The following TENM3 variants were observed in gnomAD, a reference collection of about 807,000 sequenced individuals.
TENM3 encodes the protein teneurin transmembrane protein 3.
A neutral mutation model predicts 255.1 loss-of-function variants in TENM3; 63 were observed. The ratio of observed to expected loss-of-function variants is 0.25; its 90% CI spans 0.20 to 0.30. TENM3 has a LOEUF of 0.30. Among genes scored for constraint, TENM3 ranks in the 10% least tolerant of loss-of-function variants. The pLI is 1.00. For synonymous variants in TENM3, 1,306 were observed against 1,322.3 expected (o/e 0.99, Z 0.27); for missense variants, 2,929 against 3,461.1 (o/e 0.85, Z 3.86).
intron 1 of TENM3, among the ~76,000 whole-genome samples, chr4:182,172,243 G>A (rs1193594358): frequency 6.6e-6 from 1 of 152,260 alleles, no homozygotes; most frequent in East Asian, 1.9e-4. Flanking sequence ...TATTTAAGAA[G>A]GGTATACTGC....
chr4:182,000,434 G>T, the TENM3 span, among the ~76,000 whole-genome samples: 4 of 152,170 alleles, frequency 2.6e-5, no homozygotes, highest in Admixed American at 2.6e-4. Context: ...CCATTCTCAA[G>T]CAGGAAAAGC....
chr4:181,637,448 G>A, the TENM3 span, among the ~76,000 whole-genome samples: 3 of 152,150 alleles, frequency 2.0e-5, no homozygotes, highest in Admixed American at 6.5e-5. Context: ...AATGACACAC[G>A]TCACTTCTAT....
chr4:181,924,366 G>A, the TENM3 span, among the ~76,000 whole-genome samples: 1 of 152,124 alleles, frequency 6.6e-6, no homozygotes, highest in Non-Finnish European at 1.5e-5. Flanking sequence ...TGTGTTTTGT[G>A]CCAGTTATCC....
At chr4:181,894,503 A>G in the TENM3 span, among the ~76,000 whole-genome samples, 1 of 152,212 alleles carries the variant, frequency 6.6e-6, no homozygotes, top group African/African-American at 2.4e-5. Context: ...GTAAGAACTT[A>G]TTTGAAGAGT....
intron 6 of TENM3, among the ~76,000 whole-genome samples, chr4:182,655,778 T>C (rs1005150235): frequency 6.6e-6 from 1 of 152,180 alleles, no homozygotes; most frequent in African/African-American, 2.4e-5. Flanking sequence ...TTTTAAGCTA[T>C]TGACCATGAC....
At chr4:181,772,369 C>T in the TENM3 span, among the ~76,000 whole-genome samples, 1 of 151,262 alleles carries the variant, frequency 6.6e-6, no homozygotes, top group South Asian at 2.1e-4. Flanking sequence ...CAGAGTGAGA[C>T]TCCTTCTCAA....
chr4:182,695,626 T>C (rs1229550294), intron 12 of TENM3, among the ~76,000 whole-genome samples: 1 of 152,164 alleles, frequency 6.6e-6, no homozygotes, highest in Non-Finnish European at 1.5e-5. Context: ...GACACGAAAG[T>C]ACAGGGTCAG....
the TENM3 span, among the ~76,000 whole-genome samples, chr4:181,542,491 T>A: frequency 0.48 from 73,340 of 151,980 alleles, 19,463 homozygotes; most frequent in African/African-American, 0.67. Flanking sequence ...AGAAGTAAGG[T>A]TACCTGTTAA....
the TENM3 span, among the ~76,000 whole-genome samples, chr4:181,584,087 A>T: frequency 2.0e-5 from 3 of 152,200 alleles, no homozygotes; most frequent in Non-Finnish European, 4.4e-5. Context: ...AGCATATTAC[A>T]TGAGTAGCAC....
At chr4:181,474,464 C>T in the TENM3 span, among the ~76,000 whole-genome samples, 13 of 151,944 alleles carry the variant, frequency 8.6e-5, no homozygotes, top group African/African-American at 1.7e-4. Context: ...TGGCTGGGCA[C>T]GGTGACTCAC....
the TENM3 span, among the ~76,000 whole-genome samples, chr4:181,845,861 C>A: frequency 6.6e-6 from 1 of 152,204 alleles, no homozygotes; most frequent in African/African-American, 2.4e-5. Flanking sequence ...TGGAAGAGGG[C>A]AAATGTGCTT....
chr4:181,604,119 G>A, the TENM3 span, among the ~76,000 whole-genome samples: 1 of 152,064 alleles, frequency 6.6e-6, no homozygotes, highest in Non-Finnish European at 1.5e-5. Flanking sequence ...AAAAAAATTA[G>A]CCGGGCGTGG....
intron 3 of TENM3, among the ~76,000 whole-genome samples, chr4:182,561,042 G>A (rs892411944): frequency 3.9e-5 from 6 of 152,016 alleles, no homozygotes; most frequent in African/African-American, 9.7e-5. Context: ...CATTTCCAAC[G>A]GGTCTTAAAT....
At chr4:181,486,739 T>C in the TENM3 span, among the ~76,000 whole-genome samples, 1 of 152,160 alleles carries the variant, frequency 6.6e-6, no homozygotes, top group South Asian at 2.1e-4. Context: ...AACATAAAAA[T>C]TCGTTCTAGG....
rs551634846 is a variant in TENM3 at position 182,645,122 on chromosome 4, T to C, written c.989-8649T>C. ...CTGGGTTTCTTTTTTCTGTTCATGA[T>C]ATCAGTGACTTCACTGCCCAGGCTA... On this transcript the variant is annotated intron_variant, in intron 5 of 27. Coordinates refer to ENST00000511685, the MANE Select transcript of TENM3 (RefSeq NM_001080477.4). 2.0e-5 allele frequency among the ~76,000 whole-genome samples: 3 copies of C among 151,940 alleles called. No individual in the cohort carries two copies. In the East Asian group the frequency reaches 6.0e-4, roughly 30 times the overall value.
At chr4:181,470,851 GA>G in the TENM3 span, among the ~76,000 whole-genome samples, 2 of 151,946 alleles carry the variant, frequency 1.3e-5, no homozygotes, top group African/African-American at 2.4e-5. Flanking sequence ...ATTGTAAGGT[GA>G]AAAAAAGTTT....
At chr4:181,770,219 G>A in the TENM3 span, among the ~76,000 whole-genome samples, 1 of 151,882 alleles carries the variant, frequency 6.6e-6, no homozygotes, top group East Asian at 1.9e-4. Flanking sequence ...AGGTTGAGGG[G>A]TTATATATAT....
At chr4:181,713,190 C>T in the TENM3 span, among the ~76,000 whole-genome samples, 18 of 152,146 alleles carry the variant, frequency 1.2e-4, no homozygotes, top group Admixed American at 1.1e-3. Flanking sequence ...ACTAAGTGTG[C>T]CTTTGTCACT....
chr4:181,579,700 T>C, the TENM3 span, among the ~76,000 whole-genome samples: 3 of 152,160 alleles, frequency 2.0e-5, no homozygotes, highest in African/African-American at 7.2e-5. Flanking sequence ...GCCAGAATAA[T>C]GGTAGCCTTC....
Sources: gnomAD v4.1 joint callset for allele counts (sites outside exome capture counted in the v4.1 genomes callset) on GRCh38, gnomAD v4.1.1 for gene constraint, MANE v1.5 for transcripts, NCBI Gene and HGNC (gene_info 2026-07-23, HGNC 2026-07-21) for gene names.